Variants in ERAP2 observed in about 807,000 individuals in gnomAD.
ERAP2 encodes the protein leukocyte-derived arginine aminopeptidase.
A neutral mutation model predicts 111.1 loss-of-function variants in ERAP2; 118 were observed. That is an observed-to-expected ratio of 1.06 (90% CI 0.92 to 1.24). The LOEUF (loss-of-function observed/expected upper bound fraction) is 1.24. Among genes scored for constraint, ERAP2 ranks in the 50% most tolerant of loss-of-function variants. ERAP2 has a pLI of 0.00. For missense variants in ERAP2, 1,131 were observed against 1,125.8 expected (o/e 1.00, Z -0.07); for synonymous variants, 410 against 401.2 (o/e 1.02, Z -0.26).
Position 96,912,687 on chromosome 5 carries a change from C to T in ERAP2, c.2405C>T (p.Thr802Ile), listed in dbSNP as rs781637563. The change falls in exon 16 of 19, where the codon ACA (threonine) becomes ATA (isoleucine). Residue 802 changes from threonine to isoleucine, a missense_variant. Thr to Ile is a moderately conservative substitution (Grantham distance 89). Around this residue, in one of 3 missense-constraint regions of ERAP2, gnomAD observed 279 missense variants for 250.9 expected, o/e 1.11. Transcript: ENST00000437043. Reference protein sequence around the residue: ...KIVYSVGAQTTAGWNYLLEQY... With the variant: ...KIVYSVGAQTIAGWNYLLEQY... ...GTGTATTCTGTGGGTGCTCAGACAA[C>T]AGCAGGATGGAATTACCTTTTAGAG... 3 of 1,610,632 alleles carry T rather than the reference C, an allele frequency of 1.9e-6. No homozygotes were observed. Among genetic ancestry groups the T allele is most frequent in the Non-Finnish European group, 1.7e-6 (2 of 1,178,810 alleles).
chr5:96,896,771 G>A lies in ERAP2; in HGVS notation c.1411G>A (p.Glu471Lys), dbSNP rs745687006. 2.0e-6 allele frequency: 3 copies of A among 1,492,846 alleles called. No individual in the cohort carries two copies. Among genetic ancestry groups the A allele is most frequent in the African/African-American group, 3.3e-5 (2 of 60,540 alleles). 92.5% of individuals were successfully genotyped at this position (1,492,846 alleles called of 1,614,324 possible). ...GAATATGCTCAAGGATTTTCTGGGT[G>A]AGGAGAAATTCCAGAAAGGAATAAT... The part of the protein sequence containing the change: ...ILNMLKDFLG[E>K]EKFQKGIIQY... Residue 471 changes from glutamate to lysine, a missense_variant, in exon 9 of 19, where the codon GAG (glutamate) becomes AAG (lysine). Transcript: ENST00000437043.
intron 17 of ERAP2, among the ~76,000 whole-genome samples, chr5:96,915,227 T>G (rs1306762259): frequency 6.6e-6 from 1 of 152,156 alleles, no homozygotes; most frequent in Non-Finnish European, 1.5e-5. Context: ...CAGGCAGGTC[T>G]CAAACTCCTG....
intron 18 of ERAP2, among the ~76,000 whole-genome samples, chr5:96,916,640 A>G (rs1473522939): frequency 6.8e-6 from 1 of 147,204 alleles, no homozygotes; most frequent in Admixed American, 6.8e-5. Context: ...ATTTTTTTGT[A>G]TTTTTTTTTA....
intron 9 of ERAP2, among the ~76,000 whole-genome samples, chr5:96,897,085 C>G (rs186823978): frequency 2.6e-5 from 4 of 151,642 alleles, no homozygotes; most frequent in African/African-American, 9.7e-5. Context: ...ACCTGACTTT[C>G]TTTGGTTTCT....
chr5:96,889,459 T>G (rs1784103715), intron 5 of ERAP2, 154 bp downstream of exon 5: 1 of 849,978 alleles, frequency 1.2e-6, no homozygotes, highest in East Asian at 2.4e-5. Flanking sequence ...GATTCTTGAG[T>G]GTAGAAAATA....
chr5:96,892,003 G>T (rs574662123), intron 5 of ERAP2, among the ~76,000 whole-genome samples: 1 of 151,974 alleles, frequency 6.6e-6, no homozygotes, highest in African/African-American at 2.4e-5. Context: ...TTATTTTCTT[G>T]GCAGTAAGGC....
Position 96,879,745 on chromosome 5 carries a change from A to G in ERAP2, c.60A>G (p.Arg20=), listed in dbSNP as rs1366546129. Residue 20 remains arginine (R), a synonymous_variant, in exon 2 of 19, where the codon AGA becomes AGG. Coordinates refer to ENST00000437043, the MANE Select transcript of ERAP2 (RefSeq NM_022350.5). ...GAAAACCAATGTTTAACATTCACAG[A>G]GGATTTTACTGCTTAACAGCCATCT... is the stretch of plus-strand genomic sequence containing the variant. ...SHRKPMFNIH[R]GFYCLTAILP... is the part of the protein sequence containing the mutation. 3.7e-6 allele frequency: 6 copies of G among 1,614,086 alleles called. No homozygotes were observed. In the African/African-American group the frequency reaches 6.7e-5, roughly 18 times the overall value.
At chr5:96,898,671 C>T (rs6874656) in intron 9 of ERAP2, among the ~76,000 whole-genome samples, 81,661 of 151,066 alleles carry the variant, frequency 0.54, 22,126 homozygotes, top group Admixed American at 0.59. Flanking sequence ...ATCCAGGAGG[C>T]GGAGTTGCAA....
chr5:96,908,565 A>G (rs1786357574), intron 13 of ERAP2, among the ~76,000 whole-genome samples: 1 of 152,232 alleles, frequency 6.6e-6, no homozygotes, highest in Non-Finnish European at 1.5e-5. Flanking sequence ...CACATGAAGC[A>G]ATTAGAGAAT....
chr5:96,906,010 C>T (rs1786038354), intron 13 of ERAP2, among the ~76,000 whole-genome samples: 1 of 150,256 alleles, frequency 6.7e-6, no homozygotes, highest in Non-Finnish European at 1.5e-5. Context: ...AATTCCTGGC[C>T]TCAAGCACTT....
In ERAP2 at chr5:96,917,731, C is replaced by G; in HGVS notation, c.*126C>G. 2 of 618,090 alleles carry G rather than the reference C, an allele frequency of 3.2e-6. No individual in the cohort carries two copies. The highest frequency in any genetic ancestry group is 8.3e-5 in the East Asian group (2 of 24,000). The allele number at this position is 618,090 out of a possible 1,614,324, so 38.3% of individuals were successfully genotyped here. ...ACCATCCTGGCTAACACGGTGAGAC[C>G]CCGTCTCCGCTAAAAATACAAAAAA... On this transcript the variant is annotated 3_prime_UTR_variant, in exon 19 of 19. Coordinates refer to ENST00000437043, the MANE Select transcript of ERAP2 (RefSeq NM_022350.5).
chr5:96,882,431 T>C (rs147893491), intron 2 of ERAP2, among the ~76,000 whole-genome samples: 13 of 152,296 alleles, frequency 8.5e-5, no homozygotes, highest in Middle Eastern at 6.8e-3. Flanking sequence ...TCATACTCAG[T>C]CACCTAGTAG....
intron 4 of ERAP2, among the ~76,000 whole-genome samples, chr5:96,887,100 T>TATATATATATAC (rs1478213165): frequency 2.6e-4 from 36 of 137,442 alleles, no homozygotes; most frequent in Non-Finnish European, 4.7e-4. Flanking sequence ...TATATATATA[T>TATATATATATAC]ACACACACAC....
At chr5:96,916,273 C>A (rs1787375186) in intron 18 of ERAP2, among the ~76,000 whole-genome samples, 1 of 151,236 alleles carries the variant, frequency 6.6e-6, no homozygotes, top group Non-Finnish European at 1.5e-5. Context: ...AAAAAAGCCC[C>A]TGACTCTTAA....
Position 96,886,784 on chromosome 5 carries a change from G to A in ERAP2, c.844G>A (p.Val282Ile). The A allele has an allele frequency of 6.7e-7, 1 of 1,494,290 alleles. No homozygotes were observed. The highest frequency in any genetic ancestry group is 9.1e-7 in the Non-Finnish European group (1 of 1,101,384). 92.6% of individuals were successfully genotyped at this position (1,494,290 alleles called of 1,614,324 possible). ...HSLSGFTSSG[V>I]KVSIYASPDK... is the part of the protein sequence containing the mutation. ...TCTGAGTGGCTTCACTTCATCAGGG[G>A]TCAAGGTGAGACTGAGTTCTAACGT... The change falls in exon 4 of 19, where the codon GTC becomes ATC. Residue 282 changes from valine (V) to isoleucine (I), a missense_variant. By Grantham distance (29) the Val-to-Ile change is conservative. This residue lies in a region of ERAP2 where 847 missense variants were observed against 856.5 expected (regional missense o/e 0.99). Transcript: ENST00000437043.
intron 12 of ERAP2, chr5:96,902,588 G>C (rs1008782100): frequency 3.1e-5 from 12 of 383,790 alleles, no homozygotes; most frequent in Non-Finnish European, 5.7e-5. Flanking sequence ...TTTACATCAA[G>C]AAATAACAGA....
chr5:96,905,944 ATTTTTT>A (rs34095051), intron 13 of ERAP2, among the ~76,000 whole-genome samples: 6 of 139,622 alleles, frequency 4.3e-5, no homozygotes, highest in African/African-American at 1.6e-4. Flanking sequence ...TTTCTTTTTA[ATTTTTT>A]TTTTTTTTTG....
At chr5:96,905,954 T>TC (rs1402607517) in intron 13 of ERAP2, among the ~76,000 whole-genome samples, 1 of 151,130 alleles carries the variant, frequency 6.6e-6, no homozygotes, top group African/African-American at 2.4e-5. Context: ...ATTTTTTTTT[T>TC]TTTTTGTAGA....
chr5:96,914,066 C>A (rs775588211), intron 17 of ERAP2, among the ~76,000 whole-genome samples: 3 of 152,028 alleles, frequency 2.0e-5, no homozygotes, highest in Admixed American at 6.6e-5. Flanking sequence ...AAATATCCCT[C>A]AGAAATAACC....
Sources: allele counts gnomAD v4.1 joint callset (sites outside exome capture counted in the v4.1 genomes callset), GRCh38; gene constraint gnomAD v4.1.1; regional missense constraint gnomAD v4.1.1; transcripts MANE v1.5; gene names NCBI Gene and HGNC (gene_info 2026-07-23, HGNC 2026-07-21).